Variants in NCOA3 observed in about 807,000 individuals in gnomAD.
NCOA3 encodes CBP-interacting protein.
A neutral mutation model predicts 158.8 loss-of-function variants in NCOA3; 51 were observed. That is an observed-to-expected ratio of 0.32 (90% confidence interval 0.26 to 0.41). NCOA3 has a LOEUF of 0.41. NCOA3 is among the 10% of genes least tolerant of loss of function. The probability of loss-of-function intolerance (pLI) is 1.00; values close to 1 mark genes in which losing one functional copy is unlikely to be tolerated. For synonymous variants in NCOA3, 537 were observed against 592.4 expected, an observed-to-expected ratio of 0.91 and a Z score of 1.36; for missense variants, 1,510 against 1,746.6, an observed-to-expected ratio of 0.86 and a Z score of 2.41.
intron 8 of NCOA3, chr20:47,630,523 C>G (rs368337582): frequency 7.8e-6 from 1 of 128,158 alleles, no homozygotes; most frequent in African/African-American, 3.0e-5. Flanking sequence ...AGTGCAGTGG[C>G]GAGATCTCGG....
Position 47,511,550 on chromosome 20 carries a change from T to TATATATACACACACACATACAC in NCOA3, c.-99+9537_-99+9538insACACACACACATACACATATAT. 1.9e-3 allele frequency among the ~76,000 whole-genome samples: 100 copies of TATATATACACACACACATACAC among 52,264 alleles called. 5 individuals carry two copies. Among genetic ancestry groups the TATATATACACACACACATACAC allele is most frequent in the East Asian group, 4.3e-3 (5 of 1,168 alleles). The allele number at this position is 52,264 out of a possible 152,430, so 34.3% of individuals were successfully genotyped here. A position where few individuals can be genotyped will look rare whatever the true frequency, so the allele number is the denominator to read the frequency against. On this transcript the variant is annotated intron_variant, in intron 1 of 22. Transcript: ENST00000371998. ...ATATATATATATATATATATATATA[T>TATATATACACACACACATACAC]ATATATTTCTTTTTTTTTTTGAGAC... is the stretch of plus-strand genomic sequence containing the variant.
chr20:47,646,764 C>T (rs1412784707), intron 17 of NCOA3, among the ~76,000 whole-genome samples: 1 of 152,150 alleles, frequency 6.6e-6, no homozygotes, highest in Non-Finnish European at 1.5e-5. Flanking sequence ...AGCATGCTGG[C>T]TGCATGCTTG....
At chr20:47,549,078 A>C (rs2084886314) in intron 1 of NCOA3, among the ~76,000 whole-genome samples, 1 of 152,076 alleles carries the variant, frequency 6.6e-6, no homozygotes, top group Non-Finnish European at 1.5e-5. Flanking sequence ...GGGTCTCACC[A>C]CGTTGCCTAG....
At chr20:47,519,343 A>G (rs1005281401) in intron 1 of NCOA3, among the ~76,000 whole-genome samples, 5 of 150,820 alleles carry the variant, frequency 3.3e-5, no homozygotes, top group African/African-American at 9.8e-5. Context: ...GAGGCCGGAG[A>G]ATTGCTTGAA....
chr20:47,640,103 GA>G, intron 16 of NCOA3, 52 bp downstream of exon 16: 1 of 1,610,772 alleles, frequency 6.2e-7, no homozygotes, highest in Non-Finnish European at 8.5e-7. Flanking sequence ...GGGTAGTTTA[GA>G]AAAGAGTTGG....
chr20:47,504,297 C>T (rs1251013362), intron 1 of NCOA3, among the ~76,000 whole-genome samples: 4 of 151,998 alleles, frequency 2.6e-5, no homozygotes, highest in Non-Finnish European at 5.9e-5. Flanking sequence ...ACGCACCTCC[C>T]GAGCAAATAA....
In NCOA3 at chr20:47,501,931, G is replaced by A. The variant is rs2083938328; in HGVS notation, c.-187G>A. 2.5e-6 allele frequency: 1 copy of A among 400,822 alleles called. No individual in the cohort carries two copies. The highest frequency in any genetic ancestry group is 1.3e-4 in the South Asian group (1 of 7,950). 24.8% of individuals were successfully genotyped at this position (400,822 alleles called of 1,614,324 possible). ...GCTCCACAGCGACGGCAGCGGCTGCGGCTTAGTCGGTGGCGGCCGGCGGCG... is the reference window on the plus strand; with the variant it reads ...GCTCCACAGCGACGGCAGCGGCTGCAGCTTAGTCGGTGGCGGCCGGCGGCG... On this transcript the variant is annotated 5_prime_UTR_variant, in exon 1 of 23. Transcript: ENST00000371998.
intron 1 of NCOA3, among the ~76,000 whole-genome samples, chr20:47,528,223 A>T (rs2084488676): frequency 6.6e-6 from 1 of 152,202 alleles, no homozygotes; most frequent in Admixed American, 6.6e-5. Context: ...TAATCCATAT[A>T]TAGGGAAAGA....
rs1464582246 is a variant in NCOA3, at chr20:47,640,042, C to T, written c.3071C>T (p.Thr1024Ile). The change falls in exon 16 of 23, where the codon ACT becomes ATT. Residue 1024 changes from threonine (T) to isoleucine (I), a missense_variant. Coordinates refer to ENST00000371998, the MANE Select transcript of NCOA3 (RefSeq NM_181659.3). ...MLSMEQVSHG[T>I]QNRPLLRNSL... ...TCCATGGAACAAGTTTCTCATGGCACTCAAAATAGGTGGGGTGTTATTTTG... is the reference window on the plus strand; with the variant it reads ...TCCATGGAACAAGTTTCTCATGGCATTCAAAATAGGTGGGGTGTTATTTTG... The T allele has an allele frequency of 6.2e-7, 1 of 1,614,072 alleles. No individual in the cohort carries two copies. The highest frequency in any genetic ancestry group is 1.3e-5 in the African/African-American group (1 of 74,916).
At chr20:47,559,035 T>C (rs2085058182) in intron 1 of NCOA3, among the ~76,000 whole-genome samples, 1 of 151,428 alleles carries the variant, frequency 6.6e-6, no homozygotes, top group African/African-American at 2.4e-5. Context: ...ATGTTTTCTC[T>C]ATTAGGGTTC....
intron 2 of NCOA3, among the ~76,000 whole-genome samples, chr20:47,616,122 C>T (rs907730579): frequency 6.8e-6 from 1 of 147,694 alleles, no homozygotes; most frequent in African/African-American, 2.5e-5. Flanking sequence ...TGCACCACTG[C>T]ACTCCACCCG....
intron 1 of NCOA3, among the ~76,000 whole-genome samples, chr20:47,542,009 G>GTTTTTTTGCTTTTTTTTT (rs71183262): frequency 1.2e-4 from 7 of 56,346 alleles, no homozygotes; most frequent in African/African-American, 5.2e-4. Flanking sequence ...GCCCTGTAGA[G>GTTTTTTTGCTTTTTTTTT]TTTTTTTTTT....
chr20:47,633,642 G>T lies in NCOA3; in HGVS notation c.964+6G>T, dbSNP rs1330295975. On this transcript the variant is annotated splice_donor_region_variant and intron_variant, in intron 9 of 22. Transcript: ENST00000371998. ...GAAACGTCACTATCAAGAAGGTAAA[G>T]AATTTTGGGGTTGATTGTTCTTATC... is the stretch of plus-strand genomic sequence containing the variant. 3.1e-6 allele frequency: 5 copies of T among 1,608,410 alleles called. No homozygotes were observed. Among genetic ancestry groups the T allele is most frequent in the Non-Finnish European group, 3.4e-6 (4 of 1,178,528 alleles).
At chr20:47,619,829 C>G (rs2086205379) in intron 2 of NCOA3, among the ~76,000 whole-genome samples, 1 of 152,034 alleles carries the variant, frequency 6.6e-6, no homozygotes, top group Non-Finnish European at 1.5e-5. Context: ...GAGTCACACT[C>G]TGTTACCCAG....
chr20:47,655,486 C>T lies in NCOA3; in HGVS notation c.*2069C>T, dbSNP rs2664536. 6.6e-6 allele frequency: 1 copy of T among 152,496 alleles called. No individual in the cohort carries two copies. Among genetic ancestry groups the T allele is most frequent in the Non-Finnish European group, 1.5e-5 (1 of 68,036 alleles). 9.4% of individuals were successfully genotyped at this position (152,496 alleles called of 1,614,324 possible). A position where few individuals can be genotyped will look rare whatever the true frequency, so the allele number is the denominator to read the frequency against. On this transcript the variant is annotated 3_prime_UTR_variant, in exon 23 of 23. Transcript: ENST00000371998. Reference sequence around the variant, plus strand: ...GAATCCTGATTATTTCCAGACCCACCACCAGAGTGGATCTTATTTTCAAAG... The same window carrying T: ...GAATCCTGATTATTTCCAGACCCACTACCAGAGTGGATCTTATTTTCAAAG...
rs544872240 is a variant in NCOA3 at position 47,608,360 on chromosome 20, C to G, written c.-19-13869C>G. On this transcript the variant is annotated intron_variant, in intron 2 of 22. Coordinates refer to ENST00000371998, the MANE Select transcript of NCOA3 (RefSeq NM_181659.3). Reference sequence around the variant, plus strand: ...AATAAACCAAAAAAGTGAATGAGTCCGGCTTGGTGGCTCATGCCTGTAATT... The same window carrying G: ...AATAAACCAAAAAAGTGAATGAGTCGGGCTTGGTGGCTCATGCCTGTAATT... Among the ~76,000 whole-genome samples the G allele has an allele frequency of 2.7e-5, 4 of 150,716 alleles. No individual in the cohort carries two copies. In the South Asian group the frequency reaches 8.5e-4, roughly 32 times the overall value.
At chr20:47,522,257 C>T (rs963971659) in intron 1 of NCOA3, among the ~76,000 whole-genome samples, 5 of 151,734 alleles carry the variant, frequency 3.3e-5, no homozygotes, top group Non-Finnish European at 7.4e-5. Flanking sequence ...TGCCCGCCAC[C>T]ACGCCCGGCT....
intron 19 of NCOA3, 36 bp from the exon 20 acceptor site, chr20:47,650,946 T>C: frequency 6.3e-7 from 1 of 1,592,894 alleles, no homozygotes; most frequent in East Asian, 2.2e-5. Context: ...AGGTTCTTGC[T>C]ATATATATGT....
Position 47,585,036 on chromosome 20 carries a change from C to T in NCOA3, c.-20+1775C>T, listed in dbSNP as rs2085513299. Among the ~76,000 whole-genome samples the T allele has an allele frequency of 2.1e-5, 3 of 144,684 alleles. No homozygotes were observed. In the South Asian group the frequency reaches 6.6e-4, roughly 32 times the overall value. The allele number at this position is 144,684 out of a possible 152,430, so 94.9% of individuals were successfully genotyped here. ...CTGGCAAATAACATTTCATCTAACCCCTTTCTTAACTTTTTTTTTTTTTTT... is the reference window on the plus strand; with the variant it reads ...CTGGCAAATAACATTTCATCTAACCTCTTTCTTAACTTTTTTTTTTTTTTT... On this transcript the variant is annotated intron_variant, in intron 2 of 22. Coordinates refer to ENST00000371998, the MANE Select transcript of NCOA3 (RefSeq NM_181659.3).
Sources: gnomAD v4.1 joint callset for allele counts (sites outside exome capture counted in the v4.1 genomes callset) on GRCh38, gnomAD v4.1.1 for gene constraint, MANE v1.5 for transcripts, NCBI Gene and HGNC (gene_info 2026-07-23, HGNC 2026-07-21) for gene names.